Variants in SDK1 observed in about 807,000 individuals in gnomAD.
SDK1 encodes sidekick cell adhesion molecule 1.
SDK1 carries 157 observed loss-of-function variants against 245.5 expected under a neutral mutation model. That is an observed-to-expected ratio of 0.64 (90% CI 0.56 to 0.73). The LOEUF (loss-of-function observed/expected upper bound fraction) is 0.73. SDK1 is among the 30% of genes least tolerant of loss of function. The pLI is 0.00. For missense variants in SDK1, 3,583 were observed against 3,002.3 expected, an observed-to-expected ratio of 1.19 and a Z score of -4.52; for synonymous variants, 1,647 against 1,278.5, an observed-to-expected ratio of 1.29 and a Z score of -6.15.
chr7:3,695,235 G>C (rs1383940249), intron 4 of SDK1, among the ~76,000 whole-genome samples: 1 of 152,172 alleles, frequency 6.6e-6, no homozygotes, highest in East Asian at 1.9e-4. Flanking sequence ...TTCCGTCTAA[G>C]AATTTGCATC....
chr7:3,797,165 C>T (rs897684115), intron 4 of SDK1, among the ~76,000 whole-genome samples: 6 of 151,846 alleles, frequency 4.0e-5, no homozygotes, highest in Non-Finnish European at 8.8e-5. Context: ...TGCCATTGTA[C>T]CTGGCTAATT....
At chr7:4,256,688 G>C (rs937656550) in intron 44 of SDK1, among the ~76,000 whole-genome samples, 1 of 152,234 alleles carries the variant, frequency 6.6e-6, no homozygotes. Context: ...CTTCAAGCCA[G>C]TGTTTTGACA....
At chr7:3,370,103 T>A (rs1391663967) in intron 1 of SDK1, among the ~76,000 whole-genome samples, 3 of 152,216 alleles carry the variant, frequency 2.0e-5, no homozygotes, top group Non-Finnish European at 4.4e-5. Context: ...AAAGTTTGCA[T>A]TTAGACCTGA....
At chr7:3,674,169 C>A (rs1279359618) in intron 4 of SDK1, among the ~76,000 whole-genome samples, 2 of 152,074 alleles carry the variant, frequency 1.3e-5, no homozygotes, top group Non-Finnish European at 2.9e-5. Flanking sequence ...AGCTATATCA[C>A]TAAAAGATAA....
At chr7:4,180,429 A>AGCTCCAGCTCTATGCCCAGCGCCCG (rs1782536017) in intron 35 of SDK1, among the ~76,000 whole-genome samples, 3 of 99,438 alleles carry the variant, frequency 3.0e-5, no homozygotes, top group African/African-American at 7.7e-5. Flanking sequence ...CCCAGCGCCC[A>AGCTCCAGCTCTATGCCCAGCGCCCG]GCTCCAGCTC....
At chr7:3,798,441 T>A (rs1414641590) in intron 4 of SDK1, among the ~76,000 whole-genome samples, 1 of 152,014 alleles carries the variant, frequency 6.6e-6, no homozygotes, top group Non-Finnish European at 1.5e-5. Flanking sequence ...ATGGTCTTGA[T>A]CTCCTGACCT....
At chr7:4,107,544 G>C (rs1449392081) in intron 22 of SDK1, among the ~76,000 whole-genome samples, 1 of 151,238 alleles carries the variant, frequency 6.6e-6, no homozygotes, top group Non-Finnish European at 1.5e-5. Flanking sequence ...CAGTGCTTTG[G>C]TTTAACACCC....
In SDK1 at chr7:4,145,910, A is replaced by G. The variant is rs774450924; in HGVS notation, c.4417A>G (p.Lys1473Glu). ...PLEATVITTEKRERPAPPREL... is the reference protein window; with the variant it reads ...PLEATVITTEERERPAPPREL... ...GGAGGCCACCGTCATCACCACCGAG[A>G]AGAGAGGTAAGACCTTGGGGGACCC... is the stretch of plus-strand genomic sequence containing the variant. The change falls in exon 29 of 45, where the codon AAG (lysine) becomes GAG (glutamate). Residue 1473 changes from lysine to glutamate, a missense_variant. Coordinates refer to ENST00000404826, the MANE Select transcript of SDK1 (RefSeq NM_152744.4). 3.7e-6 allele frequency: 6 copies of G among 1,604,528 alleles called. No homozygotes were observed. Among genetic ancestry groups the G allele is most frequent in the Non-Finnish European group, 5.1e-6 (6 of 1,175,808 alleles).
At chr7:3,341,216 C>A (rs1300501140) in intron 1 of SDK1, among the ~76,000 whole-genome samples, 1 of 152,112 alleles carries the variant, frequency 6.6e-6, no homozygotes, top group Non-Finnish European at 1.5e-5. Flanking sequence ...GTTCAACGTT[C>A]GAAAATCTAT....
At chr7:3,790,730 C>T (rs1229571627) in intron 4 of SDK1, among the ~76,000 whole-genome samples, 3 of 152,046 alleles carry the variant, frequency 2.0e-5, no homozygotes, top group Non-Finnish European at 4.4e-5. Flanking sequence ...TGCTTGAACC[C>T]GGGAGGCAGA....
chr7:3,510,000 C>G (rs377115992), intron 1 of SDK1, among the ~76,000 whole-genome samples: 54 of 152,130 alleles, frequency 3.5e-4, no homozygotes, highest in African/African-American at 1.3e-3. Context: ...CAAGGACTTT[C>G]CAGAGCTCCC....
At chr7:3,304,025 G>T (rs1779351340) in intron 1 of SDK1, among the ~76,000 whole-genome samples, 1 of 152,190 alleles carries the variant, frequency 6.6e-6, no homozygotes, top group African/African-American at 2.4e-5. Context: ...TGCACCTCAT[G>T]TAAGTAGGCT....
chr7:3,666,744 T>A (rs992216728), intron 4 of SDK1, among the ~76,000 whole-genome samples: 2 of 152,210 alleles, frequency 1.3e-5, no homozygotes, highest in African/African-American at 4.8e-5. Context: ...CAAAGTACAT[T>A]TGTGAAAACA....
In SDK1 at chr7:3,615,337, C is replaced by A. The variant is rs554209158; in HGVS notation, c.299-3743C>A. On this transcript the variant is annotated intron_variant, in intron 1 of 44. Transcript: ENST00000404826. ...AGAGGAGATGATTTTTGCTGAAGTACATAGGAAAAAGGAAATTGGACACAT... is the reference window on the plus strand; with the variant it reads ...AGAGGAGATGATTTTTGCTGAAGTAAATAGGAAAAAGGAAATTGGACACAT... Among the ~76,000 whole-genome samples the A allele has an allele frequency of 4.6e-5, 7 of 151,610 alleles. No individual in the cohort carries two copies. The South Asian group carries it at 1.2e-3, about 27-fold the overall frequency.
intron 1 of SDK1, among the ~76,000 whole-genome samples, chr7:3,505,889 G>T (rs1038443793): frequency 6.6e-6 from 1 of 152,172 alleles, no homozygotes; most frequent in East Asian, 1.9e-4. Context: ...AGGGAAGACT[G>T]TTGCTTTTAT....
At chr7:3,528,873 T>G (rs1229664558) in intron 1 of SDK1, among the ~76,000 whole-genome samples, 2 of 152,156 alleles carry the variant, frequency 1.3e-5, no homozygotes, top group African/African-American at 4.8e-5. Flanking sequence ...GGGCTTTTTA[T>G]GGGCTCTTCC....
chr7:3,419,461 A>G (rs537321030), intron 1 of SDK1, among the ~76,000 whole-genome samples: 1 of 152,264 alleles, frequency 6.6e-6, no homozygotes, highest in African/African-American at 2.4e-5. Context: ...GTCTCGGGGA[A>G]ACATCAGCAC....
At chr7:3,398,482 C>G (rs1435419595) in intron 1 of SDK1, among the ~76,000 whole-genome samples, 1 of 151,968 alleles carries the variant, frequency 6.6e-6, no homozygotes, top group Admixed American at 6.6e-5. Flanking sequence ...AATCACCTTC[C>G]CCTAGGTCAC....
At chr7:3,574,430 G>A (rs1484786400) in intron 1 of SDK1, among the ~76,000 whole-genome samples, 1 of 151,938 alleles carries the variant, frequency 6.6e-6, no homozygotes, top group East Asian at 1.9e-4. Context: ...TACCTCATTT[G>A]ACCCTGTGGT....
Sources: gnomAD v4.1 joint callset for allele counts (sites outside exome capture counted in the v4.1 genomes callset) on GRCh38, gnomAD v4.1.1 for gene constraint, MANE v1.5 for transcripts, NCBI Gene and HGNC (gene_info 2026-07-23, HGNC 2026-07-21) for gene names.